The following SHB variants were observed in gnomAD, a reference collection of about 807,000 sequenced individuals.
SHB encodes the protein SH2 domain containing adaptor protein B, also known as SH2 domain-containing adapter protein B.
In SHB, 20 loss-of-function variants were observed where a neutral mutation model predicts 52.3. That is an observed-to-expected ratio of 0.38 (90% CI 0.27 to 0.56). The LOEUF (loss-of-function observed/expected upper bound fraction) is 0.56. SHB is among the 20% of genes least tolerant of loss of function. The probability of loss-of-function intolerance (pLI) is 0.71; values close to 1 mark genes in which losing one functional copy is unlikely to be tolerated. For missense variants in SHB, 825 were observed against 723.3 expected, an observed-to-expected ratio of 1.14 and a Z score of -1.61; for synonymous variants, 397 against 316.5, an observed-to-expected ratio of 1.25 and a Z score of -2.70.
intron 4 of SHB, among the ~76,000 whole-genome samples, chr9:37,951,901 GT>G (rs1256603181): frequency 6.6e-6 from 1 of 152,238 alleles, no homozygotes; most frequent in African/African-American, 2.4e-5. Context: ...GGGCGGTCCT[GT>G]GGGGGGCTAC....
intron 1 of SHB, among the ~76,000 whole-genome samples, chr9:38,055,027 C>G (rs1429780598): frequency 6.6e-6 from 1 of 152,200 alleles, no homozygotes; most frequent in Non-Finnish European, 1.5e-5. Flanking sequence ...TCAAAAAATA[C>G]TGATGCCCTG....
intron 5 of SHB, among the ~76,000 whole-genome samples, chr9:37,924,713 G>A (rs1393090667): frequency 2.0e-5 from 3 of 152,188 alleles, no homozygotes; most frequent in Non-Finnish European, 4.4e-5. Flanking sequence ...TGGGTACTGG[G>A]CTCTGAGCTG....
intron 3 of SHB, among the ~76,000 whole-genome samples, chr9:37,967,718 G>A (rs1418169768): frequency 1.3e-5 from 2 of 152,250 alleles, no homozygotes; most frequent in African/African-American, 4.8e-5. Flanking sequence ...CGGATCTACC[G>A]AATCAGGAAC....
At chr9:38,032,697 C>T (rs1188598279) in intron 1 of SHB, among the ~76,000 whole-genome samples, 3 of 152,306 alleles carry the variant, frequency 2.0e-5, no homozygotes, top group Middle Eastern at 6.8e-3. Flanking sequence ...CTGTACCAGC[C>T]GTATCCCTCC....
intron 5 of SHB, among the ~76,000 whole-genome samples, chr9:37,922,196 G>C (rs768538338): frequency 6.6e-6 from 1 of 152,270 alleles, no homozygotes; most frequent in African/African-American, 2.4e-5. Context: ...GAGTCTGCCA[G>C]TGTGCAGGTA....
At chr9:37,990,167 T>A (rs1027010342) in intron 2 of SHB, among the ~76,000 whole-genome samples, 33 of 151,752 alleles carry the variant, frequency 2.2e-4, no homozygotes, top group East Asian at 1.6e-3. Flanking sequence ...CCCCTCTAGG[T>A]GCCCTGCTGA....
chr9:38,011,827 GACCAGGTC>G (rs1821146072), intron 2 of SHB, among the ~76,000 whole-genome samples: 1 of 152,152 alleles, frequency 6.6e-6, no homozygotes, highest in Admixed American at 6.5e-5. Context: ...AGAAAGCTTG[GACCAGGTC>G]ACTAGTTCTC....
At chr9:37,942,696 T>G (rs1178156203) in intron 5 of SHB, among the ~76,000 whole-genome samples, 1 of 152,150 alleles carries the variant, frequency 6.6e-6, no homozygotes, top group Non-Finnish European at 1.5e-5. Flanking sequence ...CAGCATCAGG[T>G]GCGGGGAAAG....
chr9:37,938,576 A>T (rs1411003964), intron 5 of SHB, among the ~76,000 whole-genome samples: 1 of 152,246 alleles, frequency 6.6e-6, no homozygotes, highest in African/African-American at 2.4e-5. Flanking sequence ...CTGGAGACAG[A>T]CGGGCAGTTG....
intron 2 of SHB, chr9:38,015,616 C>A: frequency 1.7e-6 from 1 of 603,872 alleles, no homozygotes; most frequent in South Asian, 2.0e-5. Context: ...AGCCAGGTGA[C>A]CCAGCCTGCT....
intron 1 of SHB, among the ~76,000 whole-genome samples, chr9:38,036,480 C>T (rs963405961): frequency 1.3e-5 from 2 of 152,222 alleles, no homozygotes; most frequent in African/African-American, 4.8e-5. Flanking sequence ...TCTGCCCACG[C>T]AGGACTTGGG....
Position 37,916,686 on chromosome 9 carries a change from T to C in SHB, c.*3135A>G, listed in dbSNP as rs907518536. On this transcript the variant is annotated 3_prime_UTR_variant, in exon 6 of 6. Transcript: ENST00000377707. ...CCTGGGAACAGCTACGCTGTGAGCCTCTCTCCAGGAGAGGGTGTCAGCCTG... is the reference window on the plus strand; with the variant it reads ...CCTGGGAACAGCTACGCTGTGAGCCCCTCTCCAGGAGAGGGTGTCAGCCTG... Among the ~76,000 whole-genome samples the C allele has an allele frequency of 3.3e-5, 5 of 152,164 alleles. No individual in the cohort carries two copies. The highest frequency in any genetic ancestry group is 9.7e-5 in the African/African-American group (4 of 41,450).
Position 37,972,146 on chromosome 9 carries a change from C to T in SHB, c.1054+2476G>A, listed in dbSNP as rs144509902. ...GGTCAGTCCAGGGGAGGGTGAGTCC[C>T]CACACCTGCCTGTGGTGCTGCATTA... is the stretch of plus-strand genomic sequence containing the variant. On this transcript the variant is annotated intron_variant, in intron 3 of 5. Transcript: ENST00000377707. 4.1e-3 allele frequency among the ~76,000 whole-genome samples: 619 copies of T among 152,262 alleles called. 4 individuals are homozygous for T. Among genetic ancestry groups the T allele is most frequent in the African/African-American group, 0.014 (579 of 41,542 alleles).
intron 1 of SHB, among the ~76,000 whole-genome samples, chr9:38,021,061 G>C (rs1821275947): frequency 6.6e-6 from 1 of 152,226 alleles, no homozygotes; most frequent in Non-Finnish European, 1.5e-5. Context: ...GGCATGTCCG[G>C]GCTTAGTGGC....
Position 37,919,046 on chromosome 9 carries a change from C to T in SHB, c.*775G>A, listed in dbSNP as rs1207125520. On this transcript the variant is annotated 3_prime_UTR_variant, in exon 6 of 6. Transcript: ENST00000377707. The stretch of plus-strand genomic sequence containing the variant: ...CTGGGGCCTGCCACAGCAGCAAGCC[C>T]AGAGGAGACACGCCTTGCTCTGGGA... The T allele has an allele frequency of 6.6e-6, 1 of 152,616 alleles. No homozygotes were observed. Among genetic ancestry groups the T allele is most frequent in the Non-Finnish European group, 1.5e-5 (1 of 68,040 alleles). The allele number at this position is 152,616 out of a possible 1,614,324, so 9.5% of individuals were successfully genotyped here.
At chr9:37,979,894 T>C (rs946958395) in intron 2 of SHB, among the ~76,000 whole-genome samples, 25 of 152,384 alleles carry the variant, frequency 1.6e-4, no homozygotes, top group Middle Eastern at 3.4e-3. Flanking sequence ...CTGTAGTTTA[T>C]TAAATGTGCA....
At chr9:37,977,142 T>C (rs1243978352) in intron 2 of SHB, among the ~76,000 whole-genome samples, 1 of 152,160 alleles carries the variant, frequency 6.6e-6, no homozygotes, top group Admixed American at 6.5e-5. Context: ...ACTTTTTAGA[T>C]AAAATAAACT....
At chr9:37,956,889 T>C (rs1430757245) in intron 3 of SHB, among the ~76,000 whole-genome samples, 3 of 152,202 alleles carry the variant, frequency 2.0e-5, no homozygotes, top group Non-Finnish European at 4.4e-5. Flanking sequence ...CCTAGAAATC[T>C]TAGCACTGTG....
intron 1 of SHB, among the ~76,000 whole-genome samples, chr9:38,037,821 G>A (rs1396207075): frequency 6.6e-6 from 1 of 152,158 alleles, no homozygotes; most frequent in African/African-American, 2.4e-5. Context: ...CAGAAGGAGT[G>A]GTCCTTCCTG....
Sources: allele counts gnomAD v4.1 joint callset (sites outside exome capture counted in the v4.1 genomes callset), GRCh38; gene constraint gnomAD v4.1.1; transcripts MANE v1.5; gene names NCBI Gene and HGNC (gene_info 2026-07-23, HGNC 2026-07-21).